Variants in BBS4 observed in about 807,000 individuals in gnomAD.
BBS4 encodes BBSome complex member BBS4.
A neutral mutation model predicts 71.4 loss-of-function variants in BBS4; 58 were observed. The observed-to-expected ratio is 0.81, with a 90% CI of 0.66 to 1.01. The LOEUF is 1.01. Among genes scored for constraint, BBS4 ranks in the 50% least tolerant of loss-of-function variants. The pLI, the probability that BBS4 is intolerant of heterozygous loss-of-function variation, is 0.00. For synonymous variants in BBS4, 228 were observed against 216.8 expected (o/e 1.05, Z -0.46); for missense variants, 660 against 607.9 (o/e 1.09, Z -0.90).
intron 10 of BBS4, among the ~76,000 whole-genome samples, chr15:72,731,065 C>CTTTTTTTTTTTTTTTTTTTTTT: frequency 1.3e-5 from 1 of 77,610 alleles, no homozygotes; most frequent in Admixed American, 1.5e-4. Context: ...AACATTTTAT[C>CTTTTTTTTTTTTTTTTTTTTTT]TTTTTTTTTT....
intron 2 of BBS4, 31 bp from the exon 3 acceptor site, chr15:72,709,669 G>GTTGT: frequency 6.7e-7 from 1 of 1,496,514 alleles, no homozygotes; most frequent in Non-Finnish European, 9.3e-7. Context: ...TAATGACTGT[G>GTTGT]TTGTTTGTTT....
chr15:72,738,419 AATTGTT>A lies in BBS4; in HGVS notation c.*836_*841del, dbSNP rs1268135476. ...TACATATCATCATTCCTTTGGGGAA[AATTGTT>A]ATTCAGGTATAAAAACAAGAGATCA... On this transcript the variant is annotated 3_prime_UTR_variant, in exon 16 of 16. Coordinates refer to ENST00000268057, the MANE Select transcript of BBS4 (RefSeq NM_033028.5). 2.5e-6 allele frequency: 1 copy of A among 392,242 alleles called. No homozygotes were observed. Among genetic ancestry groups the A allele is most frequent in the African/African-American group, 2.1e-5 (1 of 47,542 alleles). The allele number at this position is 392,242 out of a possible 1,614,324, so 24.3% of individuals were successfully genotyped here.
Position 72,737,474 on chromosome 15 carries a change from C to G in BBS4, c.1451-4C>G. Reference sequence around the variant, plus strand: ...GAGGATTCAAGTTTTTATTTTGTTACTAGGTGCTGGAGGAACATCCCAGTT... The same window carrying G: ...GAGGATTCAAGTTTTTATTTTGTTAGTAGGTGCTGGAGGAACATCCCAGTT... On this transcript the variant is annotated splice_polypyrimidine_tract_variant and splice_region_variant and intron_variant, in intron 15 of 15. Coordinates refer to ENST00000268057, the MANE Select transcript of BBS4 (RefSeq NM_033028.5). The G allele has an allele frequency of 6.2e-7, 1 of 1,608,002 alleles. No homozygotes were observed. Among genetic ancestry groups the G allele is most frequent in the South Asian group, 1.1e-5 (1 of 89,924 alleles).
intron 7 of BBS4, among the ~76,000 whole-genome samples, chr15:72,723,167 C>A (rs1595936113): frequency 6.6e-6 from 1 of 152,206 alleles, no homozygotes; most frequent in East Asian, 1.9e-4. Flanking sequence ...AAAAAGTGGA[C>A]CCTTAAGTCT....
In BBS4 at chr15:72,714,931, G is replaced by T. The variant is rs2065441718; in HGVS notation, c.221-360G>T. On this transcript the variant is annotated intron_variant, in intron 4 of 15. Transcript: ENST00000268057. ...TGGGGGTTCGCTCTGAAAACTATCAGTTGGAAGTAAATTATGATAAATGAA... is the reference window on the plus strand; with the variant it reads ...TGGGGGTTCGCTCTGAAAACTATCATTTGGAAGTAAATTATGATAAATGAA... Among the ~76,000 whole-genome samples, 3 of 152,218 alleles carry T rather than the reference G, an allele frequency of 2.0e-5. No homozygotes were observed. In the South Asian group the frequency reaches 6.2e-4, roughly 31 times the overall value.
At chr15:72,704,372 A>T in intron 2 of BBS4, 1 of 1,082,598 alleles carries the variant, frequency 9.2e-7, no homozygotes, top group Non-Finnish European at 1.2e-6. Context: ...TTCAACTAGT[A>T]ATTCTCATAA....
At chr15:72,697,715 T>G (rs2151000493) in intron 2 of BBS4, among the ~76,000 whole-genome samples, 1 of 152,294 alleles carries the variant, frequency 6.6e-6, no homozygotes, top group East Asian at 1.9e-4. Context: ...GCATTTTGAC[T>G]GAGAATGGAT....
At position 72,736,971 on chromosome 15, in the gene BBS4, CAT is replaced by C; in HGVS notation, c.1450+10_1450+11del. On this transcript the variant is annotated intron_variant, in intron 15 of 15. Transcript: ENST00000268057. Reference sequence around the variant, plus strand: ...ACAGGACGCTCCCCTCAGGTAGGACCATACAGAGCTCCATGAAGACCTGGCAG... The same window carrying C: ...ACAGGACGCTCCCCTCAGGTAGGACCACAGAGCTCCATGAAGACCTGGCAG... The C allele has an allele frequency of 6.2e-7, 1 of 1,613,818 alleles. No homozygotes were observed. The highest frequency in any genetic ancestry group is 8.5e-7 in the Non-Finnish European group (1 of 1,179,926).
chr15:72,737,327 T>C, intron 15 of BBS4, 151 bp from the exon 16 acceptor site: 1 of 689,072 alleles, frequency 1.5e-6, no homozygotes, highest in Admixed American at 2.7e-5. Flanking sequence ...TGTTGCTTTA[T>C]TTCTCAGTTA....
chr15:72,731,751 T>A, intron 12 of BBS4, 25 bp downstream of exon 12: 1 of 1,613,490 alleles, frequency 6.2e-7, no homozygotes, highest in South Asian at 1.1e-5. Context: ...TGTGGAAAAC[T>A]CTCTCTGCCA....
chr15:72,697,653 G>C (rs1223216019), intron 2 of BBS4, among the ~76,000 whole-genome samples: 1 of 152,186 alleles, frequency 6.6e-6, no homozygotes, highest in Non-Finnish European at 1.5e-5. Context: ...AATTCACACA[G>C]AAGTTGGATT....
rs767070801 is a variant in BBS4, at chr15:72,736,802, T to C, written c.1289T>C (p.Val430Ala). ...MAQKLGAALQ[V>A]GEALVWTKPV... ...CAGAAGTTGGGAGCTGCTCTCCAGGTTGGGGAGGCACTGGTCTGGACCAAA... is the reference window on the plus strand; with the variant it reads ...CAGAAGTTGGGAGCTGCTCTCCAGGCTGGGGAGGCACTGGTCTGGACCAAA... The change falls in exon 15 of 16, where the codon GTT becomes GCT. Residue 430 changes from valine to alanine, a missense_variant. By Grantham distance (64) the Val-to-Ala change is moderately conservative (BLOSUM62 0). Coordinates refer to ENST00000268057, the MANE Select transcript of BBS4 (RefSeq NM_033028.5). 2.5e-5 allele frequency: 41 copies of C among 1,614,022 alleles called. No homozygotes were observed. Among genetic ancestry groups the C allele is most frequent in the Non-Finnish European group, 3.2e-5 (38 of 1,180,028 alleles).
At chr15:72,731,842 A>G (rs1162361842) in intron 12 of BBS4, 116 bp downstream of exon 12, 5 of 1,258,550 alleles carry the variant, frequency 4.0e-6, no homozygotes, top group African/African-American at 1.5e-5. Flanking sequence ...GAGATCCTGT[A>G]GGAATCTGGA....
chr15:72,697,492 C>T (rs140042545), intron 2 of BBS4, among the ~76,000 whole-genome samples: 2 of 152,230 alleles, frequency 1.3e-5, no homozygotes, highest in East Asian at 1.9e-4. Context: ...TGGTAGATGA[C>T]AGTAGCACTT....
intron 1 of BBS4, among the ~76,000 whole-genome samples, chr15:72,693,877 T>C (rs1476087755): frequency 1.3e-5 from 2 of 152,064 alleles, no homozygotes; most frequent in Non-Finnish European, 2.9e-5. Context: ...TTTTTTGTTT[T>C]TCTTTTTCTT....
At chr15:72,735,072 C>T in intron 12 of BBS4, 41 bp from the exon 13 acceptor site, 2 of 1,501,664 alleles carry the variant, frequency 1.3e-6, no homozygotes, top group Non-Finnish European at 1.9e-6. Context: ...CTTTTGTCTT[C>T]TAAGCTGAGC....
intron 2 of BBS4, among the ~76,000 whole-genome samples, chr15:72,707,154 T>C (rs2065277665): frequency 6.6e-6 from 1 of 151,348 alleles, no homozygotes. Context: ...TTCCCCATGC[T>C]CTTCCCTTTC....
chr15:72,729,369 G>A (rs903918614), intron 9 of BBS4, among the ~76,000 whole-genome samples: 1 of 150,892 alleles, frequency 6.6e-6, no homozygotes, highest in African/African-American at 2.4e-5. Flanking sequence ...TCCTGCCTCA[G>A]CCTCCCAAGT....
chr15:72,693,087 C>G (rs566214634), intron 1 of BBS4, among the ~76,000 whole-genome samples: 20 of 152,276 alleles, frequency 1.3e-4, no homozygotes, highest in Admixed American at 1.2e-3. Context: ...AAGTCCAGGC[C>G]TAAATGTTGC....
Sources: gnomAD v4.1 joint callset for allele counts (sites outside exome capture counted in the v4.1 genomes callset) on GRCh38, gnomAD v4.1.1 for gene constraint, MANE v1.5 for transcripts, NCBI Gene and HGNC (gene_info 2026-07-23, HGNC 2026-07-21) for gene names.